The following ZNF487 variants were observed in gnomAD, a reference collection of about 807,000 sequenced individuals.
The protein encoded by ZNF487 is zinc finger protein 487.
ZNF487 carries 4 observed loss-of-function variants against 3.0 expected under a neutral mutation model. That is an observed-to-expected ratio of 1.35 (90% CI 0.66 to 3.08). The LOEUF (loss-of-function observed/expected upper bound fraction) is 3.08, where lower values mean the gene tolerates loss of function less well. Ranked by LOEUF, ZNF487 falls within the 30% of genes most tolerant of loss-of-function variation. The pLI, the probability that ZNF487 is intolerant of heterozygous loss-of-function variation, is 0.01. For missense variants in ZNF487, 146 were observed against 98.7 expected (o/e 1.48, Z -2.03); for synonymous variants, 55 against 34.6 (o/e 1.59, Z -2.06).
intron 1 of ZNF487, among the ~76,000 whole-genome samples, chr10:43,473,321 C>A (rs1840973117): frequency 6.6e-6 from 1 of 151,794 alleles, no homozygotes; most frequent in Non-Finnish European, 1.5e-5. Flanking sequence ...CTCAGGTGAT[C>A]TGCCCATTTC....
At chr10:43,494,763 T>TAAAA in the ZNF487 span, among the ~76,000 whole-genome samples, 2 of 20,914 alleles carry the variant, frequency 9.6e-5, no homozygotes, top group South Asian at 1.5e-3. Context: ...CTACTAAAAA[T>TAAAA]ACAAAAAAAA....
At chr10:43,523,119 T>G in the ZNF487 span, 1 of 152,240 alleles carries the variant, frequency 6.6e-6, no homozygotes. Context: ...GTGAGATGTA[T>G]GCCTTCAGGA....
intron 1 of ZNF487, among the ~76,000 whole-genome samples, chr10:43,449,719 G>A (rs942093837): frequency 6.8e-5 from 10 of 147,574 alleles, no homozygotes; most frequent in East Asian, 2.0e-4. Context: ...TCACTCTGTC[G>A]CCCAGTCTGG....
At chr10:43,520,783 T>C in the ZNF487 span, among the ~76,000 whole-genome samples, 1 of 152,180 alleles carries the variant, frequency 6.6e-6, no homozygotes, top group Non-Finnish European at 1.5e-5. Flanking sequence ...AGTACCCAAG[T>C]GGATGCTTAT....
At position 43,445,886 on chromosome 10, in the gene ZNF487, T is replaced by C. The variant is rs372896669; in HGVS notation, c.-94+8624T>C. 8.9e-4 allele frequency among the ~76,000 whole-genome samples: 135 copies of C among 152,220 alleles called. 4 individuals carry two copies. The East Asian group carries it at 0.022, about 25-fold the overall frequency. ...ATTAGGGAGTGGTGATGACTCTTAA[T>C]GAGCATGCTGCCTTCAAGCATCTGT... is the stretch of plus-strand genomic sequence containing the variant. On this transcript the variant is annotated intron_variant, in intron 1 of 3. Transcript: ENST00000437590.
At chr10:43,496,014 A>G in the ZNF487 span, 2 of 532,492 alleles carry the variant, frequency 3.8e-6, no homozygotes, top group East Asian at 1.1e-4. Context: ...GTACTTTTTC[A>G]GGGATCAGTG....
At chr10:43,472,372 G>GT (rs1318389692) in intron 1 of ZNF487, among the ~76,000 whole-genome samples, 2 of 151,976 alleles carry the variant, frequency 1.3e-5, no homozygotes, top group Non-Finnish European at 2.9e-5. Context: ...TTTTTGAACT[G>GT]TTTTTTTCTT....
At chr10:43,510,830 G>A in the ZNF487 span, among the ~76,000 whole-genome samples, 3 of 152,218 alleles carry the variant, frequency 2.0e-5, no homozygotes, top group African/African-American at 7.2e-5. Flanking sequence ...ATAGGCGTGA[G>A]CCACCGTGCC....
the ZNF487 span, among the ~76,000 whole-genome samples, chr10:43,508,806 A>G: frequency 6.6e-6 from 1 of 152,000 alleles, no homozygotes; most frequent in South Asian, 2.1e-4. Context: ...AGATTGCATC[A>G]CTGCACTTCA....
the ZNF487 span, among the ~76,000 whole-genome samples, chr10:43,491,559 C>G: frequency 1.3e-5 from 2 of 151,628 alleles, no homozygotes; most frequent in Admixed American, 6.6e-5. Flanking sequence ...CCCTGCCTGC[C>G]CGTTCCACAG....
At chr10:43,520,670 C>T in the ZNF487 span, among the ~76,000 whole-genome samples, 2 of 152,156 alleles carry the variant, frequency 1.3e-5, no homozygotes, top group Admixed American at 6.5e-5. Flanking sequence ...AATATCACCA[C>T]CTTTTAACTG....
Position 43,459,804 on chromosome 10 carries a change from ATTATTATTATT to A in ZNF487, c.-93-15914_-93-15904del, listed in dbSNP as rs1564418957. Among the ~76,000 whole-genome samples the A allele has an allele frequency of 2.6e-3, 282 of 110,358 alleles. 1 individual carries two copies. Among genetic ancestry groups the A allele is most frequent in the African/African-American group, 0.014 (264 of 19,404 alleles). 72.4% of individuals were successfully genotyped at this position (110,358 alleles called of 152,430 possible). A position where few individuals can be genotyped will look rare whatever the true frequency, so the allele number is the denominator to read the frequency against. On this transcript the variant is annotated intron_variant, in intron 1 of 3. Transcript: ENST00000437590. Reference sequence around the variant, plus strand: ...TATTATTATTATTATTATTATTATTATTATTATTATTTTCTGAGATGGAGTCTCGCTCTGTC... The same window carrying A: ...TATTATTATTATTATTATTATTATTATTCTGAGATGGAGTCTCGCTCTGTC...
At chr10:43,505,051 C>T in the ZNF487 span, among the ~76,000 whole-genome samples, 11 of 152,016 alleles carry the variant, frequency 7.2e-5, no homozygotes, top group Non-Finnish European at 1.6e-4. Flanking sequence ...CTGTGTTGCT[C>T]AAGCTGGAGT....
chr10:43,439,317 A>G (rs1399201260), intron 1 of ZNF487, among the ~76,000 whole-genome samples: 2 of 152,056 alleles, frequency 1.3e-5, no homozygotes, highest in Admixed American at 6.6e-5. Flanking sequence ...GGAGGATTAC[A>G]TGTGCCTAGG....
the ZNF487 span, among the ~76,000 whole-genome samples, chr10:43,493,708 AAATATATAT>A: frequency 2.0e-3 from 86 of 43,938 alleles, 2 homozygotes; most frequent in South Asian, 2.9e-3. Flanking sequence ...AAAAAAAAAA[AAATATATAT>A]ATATATATAT....
intron 3 of ZNF487, 36 bp from the exon 4 acceptor site, chr10:43,481,393 C>A (rs927458482): frequency 2.1e-5 from 14 of 654,488 alleles, no homozygotes; most frequent in South Asian, 5.1e-5. Context: ...AATATGTTAA[C>A]ATTTATAATC....
At chr10:43,515,947 T>C in the ZNF487 span, among the ~76,000 whole-genome samples, 1 of 152,144 alleles carries the variant, frequency 6.6e-6, no homozygotes, top group African/African-American at 2.4e-5. Context: ...CTAATTTTTT[T>C]TGTGTGTGTG....
At chr10:43,486,832 A>G (rs1841475517), downstream of ZNF487, among the ~76,000 whole-genome samples, 1 of 152,220 alleles carries the variant, frequency 6.6e-6, no homozygotes, top group South Asian at 2.1e-4. Context: ...AAAAATAAGG[A>G]AAGATAGCCA....
intron 3 of ZNF487, among the ~76,000 whole-genome samples, chr10:43,476,727 C>T (rs551991212): frequency 1.3e-5 from 2 of 152,276 alleles, no homozygotes; most frequent in East Asian, 3.9e-4. Flanking sequence ...ATGGTATACC[C>T]TGTGCTGTGA....
Sources: gnomAD v4.1 joint callset for allele counts (sites outside exome capture counted in the v4.1 genomes callset) on GRCh38, gnomAD v4.1.1 for gene constraint, MANE v1.5 for transcripts, NCBI Gene and HGNC (gene_info 2026-07-23, HGNC 2026-07-21) for gene names.